Variants in TOM1L1 observed in about 807,000 individuals in gnomAD.
TOM1L1 encodes the protein TOM1-like protein 1.
TOM1L1 carries 64 observed loss-of-function variants against 63.4 expected under a neutral mutation model. The observed-to-expected ratio is 1.01, with a 90% CI of 0.83 to 1.24. TOM1L1 has a LOEUF of 1.24. Among genes scored for constraint, TOM1L1 ranks in the 50% most tolerant of loss-of-function variants. The pLI is 0.00. For missense variants in TOM1L1, 536 were observed against 567.0 expected (o/e 0.95, Z 0.55); for synonymous variants, 166 against 194.4 (o/e 0.85, Z 1.22).
intron 7 of TOM1L1, among the ~76,000 whole-genome samples, chr17:54,919,232 C>T (rs953817206): frequency 3.9e-5 from 6 of 152,108 alleles, no homozygotes; most frequent in Admixed American, 2.6e-4. Context: ...GATGTTAACA[C>T]GTGTGTTAAA....
intron 8 of TOM1L1, among the ~76,000 whole-genome samples, chr17:54,932,779 G>A (rs1485211996): frequency 2.0e-5 from 3 of 152,120 alleles, no homozygotes. Flanking sequence ...GTTTTCTGTG[G>A]AACAAATTTT....
intron 7 of TOM1L1, among the ~76,000 whole-genome samples, chr17:54,929,745 T>G (rs1857406013): frequency 6.6e-6 from 1 of 151,754 alleles, no homozygotes; most frequent in South Asian, 2.1e-4. Flanking sequence ...ACATGTGTTT[T>G]TTTTTTTTTT....
At chr17:54,917,259 T>C (rs879416813) in intron 7 of TOM1L1, 7 of 152,158 alleles carry the variant, frequency 4.6e-5, no homozygotes, top group Admixed American at 3.9e-4. Context: ...TTCTATTCTC[T>C]TCTTATGGAA....
At chr17:54,947,454 A>G (rs1017977282) in intron 12 of TOM1L1, 142 bp downstream of exon 12, 8 of 920,350 alleles carry the variant, frequency 8.7e-6, no homozygotes, top group Admixed American at 2.5e-5. Flanking sequence ...GTAAGGATCA[A>G]AATTTTTTTG....
Position 54,939,112 on chromosome 17 carries a change from A to G in TOM1L1, c.1130+92A>G, listed in dbSNP as rs1241974472. 4 of 870,648 alleles carry G rather than the reference A, an allele frequency of 4.6e-6. No individual in the cohort carries two copies. In the East Asian group the frequency reaches 8.4e-5, roughly 18 times the overall value. 53.9% of individuals were successfully genotyped at this position (870,648 alleles called of 1,614,324 possible). ...CTGATGGCTGGGCGCAGTGACTTAC[A>G]TCTGTAATCCTAGCACTTTGGGAGG... On this transcript the variant is annotated intron_variant, in intron 11 of 15. Coordinates refer to ENST00000575882, the MANE Select transcript of TOM1L1 (RefSeq NM_005486.3).
intron 8 of TOM1L1, among the ~76,000 whole-genome samples, chr17:54,934,074 G>A (rs1261574808): frequency 2.0e-5 from 3 of 152,194 alleles, no homozygotes; most frequent in Non-Finnish European, 2.9e-5. Context: ...CAGTGAATCT[G>A]CACTTCTACA....
chr17:54,938,235 T>G (rs2048980980), intron 10 of TOM1L1, among the ~76,000 whole-genome samples: 1 of 152,092 alleles, frequency 6.6e-6, no homozygotes, highest in African/African-American at 2.4e-5. Flanking sequence ...GGCTCACACC[T>G]ATAATCCCAG....
chr17:54,956,649 T>C (rs2049520063), intron 14 of TOM1L1: 1 of 152,054 alleles, frequency 6.6e-6, no homozygotes, highest in African/African-American at 2.4e-5. Context: ...GGGTCTGTGT[T>C]GCCCAGGCTA....
chr17:54,927,390 A>G (rs1567829633), intron 7 of TOM1L1, among the ~76,000 whole-genome samples: 1 of 152,138 alleles, frequency 6.6e-6, no homozygotes, highest in Non-Finnish European at 1.5e-5. Context: ...CTCTTGGTCA[A>G]TGTGGGATGA....
In TOM1L1 at chr17:54,906,904, CTG is replaced by C. The variant is rs1242444453; in HGVS notation, c.222+1340_222+1341del. On this transcript the variant is annotated intron_variant, in intron 3 of 15. Coordinates refer to ENST00000575882, the MANE Select transcript of TOM1L1 (RefSeq NM_005486.3). ...TTGTTTATCTCAGCCCAGCCCAAGA[CTG>C]TGCATGGTCACGGCACTAATCAGCC... 3 of 711,972 alleles carry C rather than the reference CTG, an allele frequency of 4.2e-6. No homozygotes were observed. In the African/African-American group the frequency reaches 5.8e-5, roughly 14 times the overall value. The allele number at this position is 711,972 out of a possible 1,614,324, so 44.1% of individuals were successfully genotyped here.
At chr17:54,949,669 AAT>A (rs763863256) in intron 13 of TOM1L1, 46 bp downstream of exon 13, 58 of 1,422,416 alleles carry the variant, frequency 4.1e-5, no homozygotes, top group Non-Finnish European at 5.5e-5. Context: ...AACTTATGAG[AAT>A]ATATGAGTCT....
intron 14 of TOM1L1, among the ~76,000 whole-genome samples, chr17:54,958,830 G>C (rs1330830105): frequency 6.6e-6 from 1 of 151,702 alleles, no homozygotes; most frequent in Non-Finnish European, 1.5e-5. Context: ...TATAAAATGG[G>C]AGACATGGGA....
chr17:54,939,008 C>G lies in TOM1L1; in HGVS notation c.1118C>G (p.Thr373Arg). Residue 373 changes from threonine (T) to arginine (R), a missense_variant, in exon 11 of 16, where the codon ACA becomes AGA. Thr to Arg is a moderately conservative substitution (Grantham distance 71). Coordinates refer to ENST00000575882, the MANE Select transcript of TOM1L1 (RefSeq NM_005486.3). ...ATGAACTTGCTAGCCTTGGAGAATA[C>G]AGAGATACCCCCGTAAGTATGTCAG... ...PQMNLLALEN[T>R]EIPPFAQRTS... 5.0e-6 allele frequency: 8 copies of G among 1,603,270 alleles called. No homozygotes were observed. Among genetic ancestry groups the G allele is most frequent in the Non-Finnish European group, 6.8e-6 (8 of 1,170,992 alleles).
chr17:54,943,748 G>A (rs569215145), intron 11 of TOM1L1, among the ~76,000 whole-genome samples: 1 of 151,948 alleles, frequency 6.6e-6, no homozygotes, highest in African/African-American at 2.4e-5. Flanking sequence ...GGAGGCTGAG[G>A]CGGGCAGATC....
intron 14 of TOM1L1, chr17:54,954,378 T>C (rs2049385270): frequency 6.6e-6 from 1 of 152,232 alleles, no homozygotes; most frequent in Non-Finnish European, 1.5e-5. Flanking sequence ...GCAAAACCTC[T>C]TTCTCCAACA....
At chr17:54,920,765 C>G (rs1043753587) in intron 7 of TOM1L1, among the ~76,000 whole-genome samples, 1 of 152,216 alleles carries the variant, frequency 6.6e-6, no homozygotes. Flanking sequence ...AAGGACTCTC[C>G]TCCAAATAAC....
intron 14 of TOM1L1, chr17:54,956,715 G>T (rs1309516495): frequency 6.6e-6 from 1 of 152,104 alleles, no homozygotes; most frequent in Non-Finnish European, 1.5e-5. Flanking sequence ...AAAGTGCTGG[G>T]ATTATAGGCA....
intron 7 of TOM1L1, among the ~76,000 whole-genome samples, chr17:54,920,807 G>T (rs9915913): frequency 0.3 from 46,078 of 152,060 alleles, 7,249 homozygotes; most frequent in African/African-American, 0.38. Flanking sequence ...AGGAATCTCT[G>T]CAGTTAGAAG....
Position 54,926,873 on chromosome 17 carries a change from T to C in TOM1L1, c.721-3200T>C, listed in dbSNP as rs529813533. On this transcript the variant is annotated intron_variant, in intron 7 of 15. Transcript: ENST00000575882. The stretch of plus-strand genomic sequence containing the variant: ...ACTTCTTTCTCATGAGCTTATGTTC[T>C]ATCCATTAGACCAACTAGTTTCTCA... Among the ~76,000 whole-genome samples, 35 of 152,386 alleles carry C rather than the reference T, an allele frequency of 2.3e-4. 1 individual carries two copies. The highest frequency in any genetic ancestry group is 8.2e-4 in the African/African-American group (34 of 41,598).
Sources: allele counts gnomAD v4.1 joint callset (sites outside exome capture counted in the v4.1 genomes callset), GRCh38; gene constraint gnomAD v4.1.1; transcripts MANE v1.5; gene names NCBI Gene and HGNC (gene_info 2026-07-23, HGNC 2026-07-21).